The following CAMSAP2 variants were observed in gnomAD, a reference collection of about 807,000 sequenced individuals.
The protein encoded by CAMSAP2 is calmodulin regulated spectrin associated protein family member 2.
A neutral mutation model predicts 146.1 loss-of-function variants in CAMSAP2; 26 were observed. The ratio of observed to expected loss-of-function variants is 0.18; its 90% CI spans 0.13 to 0.25. The LOEUF (loss-of-function observed/expected upper bound fraction) is 0.25. Ranked by LOEUF, CAMSAP2 falls within the 10% of genes least tolerant of loss-of-function variation. The pLI, the probability that CAMSAP2 is intolerant of heterozygous loss-of-function variation, is 1.00. For missense variants in CAMSAP2, 1,381 were observed against 1,759.3 expected (o/e 0.78, Z 3.85); for synonymous variants, 499 against 596.6 (o/e 0.84, Z 2.38).
Position 200,852,592 on chromosome 1 carries a change from G to C in CAMSAP2, c.3517G>C (p.Glu1173Gln). 2 of 1,613,892 alleles carry C rather than the reference G, an allele frequency of 1.2e-6. No homozygotes were observed. Among genetic ancestry groups the C allele is most frequent in the South Asian group, 2.2e-5 (2 of 91,062 alleles). Residue 1173 changes from glutamate to glutamine, a missense_variant, in exon 12 of 17, where the codon GAG becomes CAG. By Grantham distance (29) the Glu-to-Gln change is conservative. This residue lies in a region of CAMSAP2 where 560 missense variants were observed against 715.9 expected (regional missense o/e 0.78). Coordinates refer to ENST00000358823, the MANE Select transcript of CAMSAP2 (RefSeq NM_203459.4). ...DMAMKRAALL[E>Q]KRLRREKETQ... Reference sequence around the variant, plus strand: ...GGCAATGAAACGGGCAGCTTTGTTGGAGAAAAGATTAAGAAGGGAAAAGGA... The same window carrying C: ...GGCAATGAAACGGGCAGCTTTGTTGCAGAAAAGATTAAGAAGGGAAAAGGA...
chr1:200,847,965 T>C (rs1667504884), intron 10 of CAMSAP2, 67 bp from the exon 11 acceptor site: 1 of 1,113,702 alleles, frequency 9.0e-7, no homozygotes, highest in Non-Finnish European at 1.3e-6. Flanking sequence ...CAAATAATTC[T>C]TGTTAAATGA....
chr1:200,816,726 A>G (rs1307958225), intron 4 of CAMSAP2, among the ~76,000 whole-genome samples: 1 of 113,048 alleles, frequency 8.8e-6, no homozygotes, highest in African/African-American at 3.1e-5. Context: ...ACACGCACAT[A>G]TATGTGTGTA....
chr1:200,847,146 C>T, intron 8 of CAMSAP2, 64 bp from the exon 9 acceptor site: 1 of 1,185,048 alleles, frequency 8.4e-7, no homozygotes, highest in Non-Finnish European at 1.2e-6. Context: ...TAACTTAAGA[C>T]ATTCTACCTA....
intron 1 of CAMSAP2, among the ~76,000 whole-genome samples, chr1:200,746,478 T>G (rs758872907): frequency 1.3e-5 from 2 of 152,090 alleles, no homozygotes; most frequent in Non-Finnish European, 2.9e-5. Context: ...GAAAGAACCA[T>G]GTTGAGTTTG....
intron 2 of CAMSAP2, among the ~76,000 whole-genome samples, chr1:200,773,338 C>G (rs1433079649): frequency 6.6e-6 from 1 of 152,114 alleles, no homozygotes; most frequent in Non-Finnish European, 1.5e-5. Flanking sequence ...ACTGCAACCT[C>G]TGCCTCCCAG....
chr1:200,848,921 G>A lies in CAMSAP2; in HGVS notation c.2152G>A (p.Glu718Lys). The change falls in exon 11 of 17, where the codon GAA becomes AAA. Residue 718 changes from glutamate to lysine, a missense_variant. Glu to Lys is a moderately conservative substitution (Grantham distance 56). This residue lies in a region of CAMSAP2 where 447 missense variants were observed against 462.2 expected (regional missense o/e 0.97). Transcript: ENST00000358823. The stretch of plus-strand genomic sequence containing the variant: ...TCAAAAAACTACACCAGAAGGCTCT[G>A]AACTTAATATTCCTCATGTGGTTGC... ...SSQKTTPEGSELNIPHVVAWA... is the reference protein window; with the variant it reads ...SSQKTTPEGSKLNIPHVVAWA... 6.2e-7 allele frequency: 1 copy of A among 1,614,150 alleles called. No homozygotes were observed. Among genetic ancestry groups the A allele is most frequent in the Non-Finnish European group, 8.5e-7 (1 of 1,180,018 alleles).
chr1:200,750,156 G>A (rs547344797), intron 1 of CAMSAP2, among the ~76,000 whole-genome samples: 1 of 152,208 alleles, frequency 6.6e-6, no homozygotes, highest in East Asian at 1.9e-4. Flanking sequence ...AAAATTTGGA[G>A]TAAATATAGT....
intron 4 of CAMSAP2, among the ~76,000 whole-genome samples, chr1:200,822,653 C>T (rs1666804914): frequency 6.6e-6 from 1 of 152,170 alleles, no homozygotes; most frequent in African/African-American, 2.4e-5. Flanking sequence ...TACAGGGTTA[C>T]ATTAGTCCTC....
At position 200,739,467 on chromosome 1, in the gene CAMSAP2, C is replaced by T. The variant is rs1355891108; in HGVS notation, c.-361C>T. ...CCGGGCCCTTCCAGCCTCCACCCTC[C>T]CCCAAGCCCGTGTGACTAAACCGAG... On this transcript the variant is annotated 5_prime_UTR_variant, in exon 1 of 17. Transcript: ENST00000358823. The surrounding 1 kb of genome is among the most constrained non-coding windows in gnomAD (Gnocchi z 4.8). The T allele has an allele frequency of 1.9e-5, 3 of 154,310 alleles. No homozygotes were observed. The highest frequency in any genetic ancestry group is 1.3e-4 in the Admixed American group (2 of 15,340). 9.6% of individuals were successfully genotyped at this position (154,310 alleles called of 1,614,324 possible).
intron 2 of CAMSAP2, among the ~76,000 whole-genome samples, chr1:200,785,497 TCC>T (rs1344222111): frequency 1.0e-4 from 15 of 150,690 alleles, no homozygotes; most frequent in East Asian, 2.0e-4. Context: ...CAAGCGATTC[TCC>T]TATCTCAGCC....
At chr1:200,823,645 C>G (rs1193771110) in intron 4 of CAMSAP2, among the ~76,000 whole-genome samples, 1 of 152,116 alleles carries the variant, frequency 6.6e-6, no homozygotes, top group Non-Finnish European at 1.5e-5. Context: ...ATGATAAGAA[C>G]ATGATTTAAC....
At chr1:200,786,965 A>G (rs1330025384) in intron 2 of CAMSAP2, among the ~76,000 whole-genome samples, 2 of 151,880 alleles carry the variant, frequency 1.3e-5, no homozygotes, top group African/African-American at 2.4e-5. Context: ...CAGCACATCT[A>G]TTTATAGCAT....
At chr1:200,824,082 G>A (rs1002023335) in intron 4 of CAMSAP2, among the ~76,000 whole-genome samples, 1 of 151,960 alleles carries the variant, frequency 6.6e-6, no homozygotes, top group Non-Finnish European at 1.5e-5. Context: ...CTTACTTTCT[G>A]GCACTACAGA....
intron 1 of CAMSAP2, among the ~76,000 whole-genome samples, chr1:200,751,567 G>C (rs1481165060): frequency 2.2e-5 from 3 of 137,102 alleles, no homozygotes; most frequent in Admixed American, 7.4e-5. Flanking sequence ...AAAGCTACAA[G>C]CTACAATATG....
chr1:200,741,557 A>G (rs1038276490), intron 1 of CAMSAP2, among the ~76,000 whole-genome samples: 3 of 152,268 alleles, frequency 2.0e-5, no homozygotes, highest in African/African-American at 4.8e-5. Context: ...AGTAGTATGT[A>G]TAAAGTGGAA....
intron 2 of CAMSAP2, among the ~76,000 whole-genome samples, chr1:200,803,142 G>A (rs1666079045): frequency 6.6e-6 from 1 of 152,198 alleles, no homozygotes; most frequent in African/African-American, 2.4e-5. Flanking sequence ...AAGGTGCAGA[G>A]GTTGGGATTT....
intron 8 of CAMSAP2, 96 bp from the exon 9 acceptor site, chr1:200,847,114 T>G (rs1667477247): frequency 5.0e-6 from 4 of 792,326 alleles, no homozygotes; most frequent in Non-Finnish European, 7.9e-6. Context: ...GGTTGTAGAA[T>G]GAGAGGTGGT....
chr1:200,833,449 T>G (rs995958085), intron 6 of CAMSAP2, among the ~76,000 whole-genome samples: 2 of 151,968 alleles, frequency 1.3e-5, no homozygotes, highest in Admixed American at 1.3e-4. Context: ...TGTTCCCAGC[T>G]ACTCGAAGGC....
intron 2 of CAMSAP2, among the ~76,000 whole-genome samples, chr1:200,800,920 A>G (rs1305976182): frequency 6.6e-6 from 1 of 152,160 alleles, no homozygotes; most frequent in Non-Finnish European, 1.5e-5. Flanking sequence ...TCCTTCGCTT[A>G]TGAAGCTTAG....
Sources: gnomAD v4.1 joint callset for allele counts (sites outside exome capture counted in the v4.1 genomes callset) on GRCh38, gnomAD v4.1.1 for gene constraint, gnomAD v4.1.1 regional missense constraint, Gnocchi (gnomAD v3.1) non-coding constraint, MANE v1.5 for transcripts, NCBI Gene and HGNC (gene_info 2026-07-23, HGNC 2026-07-21) for gene names.